The following ANO6 variants were observed in gnomAD, a reference collection of about 807,000 sequenced individuals.
ANO6 encodes anoctamin-6.
ANO6 carries 106 observed loss-of-function variants against 117.5 expected under a neutral mutation model. The observed-to-expected ratio is 0.90, with a 90% CI of 0.77 to 1.06. The LOEUF is 1.06. ANO6 is among the 50% of genes least tolerant of loss of function. The pLI is 0.00. For missense variants in ANO6, 955 were observed against 1,121.1 expected, an observed-to-expected ratio of 0.85 and a Z score of 2.12; for synonymous variants, 367 against 385.1, an observed-to-expected ratio of 0.95 and a Z score of 0.55.
At chr12:45,255,620 AT>A (rs938179676) in intron 1 of ANO6, among the ~76,000 whole-genome samples, 3 of 152,202 alleles carry the variant, frequency 2.0e-5, no homozygotes, top group African/African-American at 7.2e-5. Flanking sequence ...TCCCAAAGCC[AT>A]TTTTAAACAA....
At chr12:45,415,987 T>G (rs1943202783) in intron 16 of ANO6, among the ~76,000 whole-genome samples, 1 of 152,156 alleles carries the variant, frequency 6.6e-6, no homozygotes. Flanking sequence ...GCTGCCCCAT[T>G]TTTAATAAGG....
chr12:45,376,317 A>G, intron 9 of ANO6, among the ~76,000 whole-genome samples: 1 of 124,750 alleles, frequency 8.0e-6, no homozygotes, highest in African/African-American at 3.3e-5. Flanking sequence ...ATCTAGAACT[A>G]GAAATACCAT....
At chr12:45,243,644 G>T (rs1401227050) in intron 1 of ANO6, among the ~76,000 whole-genome samples, 1 of 151,940 alleles carries the variant, frequency 6.6e-6, no homozygotes, top group South Asian at 2.1e-4. Context: ...CCGCCTCCTG[G>T]GTTCAAGTGA....
At chr12:45,347,170 G>T (rs1941157600) in intron 4 of ANO6, 83 bp downstream of exon 4, 1 of 1,325,860 alleles carries the variant, frequency 7.5e-7, no homozygotes, top group Non-Finnish European at 1.1e-6. Flanking sequence ...GGGTGACATT[G>T]GAAACATGCA....
At position 45,431,640 on chromosome 12, in the gene ANO6, T is replaced by G. The variant is rs1454776037; in HGVS notation, c.*2329T>G. 2 of 985,288 alleles carry G rather than the reference T, an allele frequency of 2.0e-6. No homozygotes were observed. The highest frequency in any genetic ancestry group is 2.4e-6 in the Non-Finnish European group (2 of 829,938). The allele number at this position is 985,288 out of a possible 1,614,324, so 61.0% of individuals were successfully genotyped here. On this transcript the variant is annotated 3_prime_UTR_variant, in exon 20 of 20. Coordinates refer to ENST00000320560, the MANE Select transcript of ANO6 (RefSeq NM_001025356.3). ...GTGGAGATGCAGGGTCATTTCCCCA[T>G]GCCATCCACAGTGTTTGTTAGTGAG...
At chr12:45,342,902 T>C (rs1236567297) in intron 3 of ANO6, among the ~76,000 whole-genome samples, 2 of 152,134 alleles carry the variant, frequency 1.3e-5, no homozygotes, top group African/African-American at 4.8e-5. Context: ...TGGGAGGTAT[T>C]GCCCAAGTAA....
chr12:45,431,914 G>A lies in ANO6; in HGVS notation c.*2603G>A. ...GAAACATTAGAGCAAATACTCAGGGGATTTTTCATTAAACATCCCTCAGAT... is the reference window on the plus strand; with the variant it reads ...GAAACATTAGAGCAAATACTCAGGGAATTTTTCATTAAACATCCCTCAGAT... On this transcript the variant is annotated 3_prime_UTR_variant, in exon 20 of 20. Transcript: ENST00000320560. 2.0e-6 allele frequency: 2 copies of A among 985,356 alleles called. No homozygotes were observed. Among genetic ancestry groups the A allele is most frequent in the Non-Finnish European group, 2.4e-6 (2 of 829,876 alleles). The allele number at this position is 985,356 out of a possible 1,614,324, so 61.0% of individuals were successfully genotyped here.
At chr12:45,366,520 G>T (rs1287389761) in intron 8 of ANO6, among the ~76,000 whole-genome samples, 1 of 152,058 alleles carries the variant, frequency 6.6e-6, no homozygotes, top group African/African-American at 2.4e-5. Flanking sequence ...AATTTGCTTG[G>T]CCAGCTTTGG....
intron 1 of ANO6, among the ~76,000 whole-genome samples, chr12:45,238,541 T>C (rs1167555024): frequency 6.6e-6 from 1 of 152,062 alleles, no homozygotes; most frequent in Non-Finnish European, 1.5e-5. Flanking sequence ...TCTTTATTCC[T>C]TTCTCTTGCC....
intron 12 of ANO6, among the ~76,000 whole-genome samples, chr12:45,394,637 A>T (rs536013467): frequency 6.6e-6 from 1 of 152,380 alleles, no homozygotes; most frequent in South Asian, 2.1e-4. Context: ...AAATCACAAC[A>T]AACTGTCTCT....
chr12:45,405,823 G>A (rs1035064253), intron 15 of ANO6, among the ~76,000 whole-genome samples: 1 of 152,080 alleles, frequency 6.6e-6, no homozygotes, highest in Non-Finnish European at 1.5e-5. Flanking sequence ...CAGGAGAATT[G>A]CTTGAACCTG....
chr12:45,387,200 G>T (rs889738635), intron 10 of ANO6, among the ~76,000 whole-genome samples: 2 of 151,942 alleles, frequency 1.3e-5, no homozygotes, highest in Non-Finnish European at 2.9e-5. Context: ...AAGGGCATGG[G>T]GTATTTACCC....
At chr12:45,395,530 CACA>C (rs1942587351) in intron 12 of ANO6, among the ~76,000 whole-genome samples, 1 of 152,048 alleles carries the variant, frequency 6.6e-6, no homozygotes, top group Admixed American at 6.6e-5. Flanking sequence ...CTGGCAGAGA[CACA>C]ACAAAAAAAG....
chr12:45,423,526 A>G (rs1005492252), intron 19 of ANO6, among the ~76,000 whole-genome samples: 2 of 152,254 alleles, frequency 1.3e-5, no homozygotes, highest in African/African-American at 2.4e-5. Flanking sequence ...ATTACAAAGT[A>G]TCAGAGTTTA....
At chr12:45,304,800 C>T (rs570096013) in intron 2 of ANO6, among the ~76,000 whole-genome samples, 1 of 152,312 alleles carries the variant, frequency 6.6e-6, no homozygotes, top group South Asian at 2.1e-4. Flanking sequence ...ATCATAAGCA[C>T]ATTCAAGTTT....
chr12:45,277,904 C>T (rs2137247774), intron 1 of ANO6, among the ~76,000 whole-genome samples: 1 of 152,188 alleles, frequency 6.6e-6, no homozygotes, highest in South Asian at 2.1e-4. Context: ...TCAGGAGACC[C>T]TTTCACTATG....
chr12:45,320,264 T>A (rs1300574065), intron 2 of ANO6, among the ~76,000 whole-genome samples: 1 of 152,116 alleles, frequency 6.6e-6, no homozygotes, highest in African/African-American at 2.4e-5. Flanking sequence ...TTAGTGCTAA[T>A]AATTTCCCTC....
At chr12:45,224,160 C>G (rs1419235471) in intron 1 of ANO6, among the ~76,000 whole-genome samples, 1 of 152,086 alleles carries the variant, frequency 6.6e-6, no homozygotes, top group Non-Finnish European at 1.5e-5. Context: ...AGTGGTGATA[C>G]CAAGGAGAAA....
intron 1 of ANO6, among the ~76,000 whole-genome samples, chr12:45,281,919 C>T (rs545865685): frequency 7.2e-5 from 11 of 152,160 alleles, no homozygotes; most frequent in South Asian, 2.1e-4. Flanking sequence ...GGCAGGTGGG[C>T]GGGCGGTCAG....
Sources: gnomAD v4.1 joint callset for allele counts (sites outside exome capture counted in the v4.1 genomes callset) on GRCh38, gnomAD v4.1.1 for gene constraint, MANE v1.5 for transcripts, NCBI Gene and HGNC (gene_info 2026-07-23, HGNC 2026-07-21) for gene names.